The following GNAQ variants were observed in gnomAD, a reference collection of about 807,000 sequenced individuals.
The protein encoded by GNAQ is G protein subunit alpha q.
GNAQ carries 8 observed loss-of-function variants against 43.9 expected under a neutral mutation model. The ratio of observed to expected loss-of-function variants is 0.18; its 90% confidence interval spans 0.11 to 0.33. GNAQ has a LOEUF of 0.33. Ranked by LOEUF, GNAQ falls within the 10% of genes least tolerant of loss-of-function variation. The pLI, the probability that GNAQ is intolerant of heterozygous loss-of-function variation, is 1.00. For missense variants in GNAQ, 158 were observed against 450.8 expected (o/e 0.35, Z 5.88); for synonymous variants, 155 against 170.7 (o/e 0.91, Z 0.71).
At chr9:77,891,412 G>A (rs934151926) in intron 2 of GNAQ, among the ~76,000 whole-genome samples, 2 of 152,132 alleles carry the variant, frequency 1.3e-5, no homozygotes, top group Admixed American at 6.6e-5. Flanking sequence ...GTAGGAGATC[G>A]GGAAATGGTT....
intron 2 of GNAQ, among the ~76,000 whole-genome samples, chr9:77,905,986 G>C (rs558560292): frequency 6.6e-6 from 1 of 152,006 alleles, no homozygotes; most frequent in Non-Finnish European, 1.5e-5. Flanking sequence ...TGCACATGGG[G>C]CTTAAAACCT....
intron 5 of GNAQ, among the ~76,000 whole-genome samples, chr9:77,742,292 T>C (rs1176612017): frequency 2.6e-5 from 4 of 152,198 alleles, no homozygotes; most frequent in Non-Finnish European, 5.9e-5. Context: ...CAGCATTCCA[T>C]ATAATGCACA....
At chr9:77,932,371 C>T (rs1274417588) in intron 1 of GNAQ, among the ~76,000 whole-genome samples, 7 of 152,102 alleles carry the variant, frequency 4.6e-5, no homozygotes, top group African/African-American at 1.7e-4. Flanking sequence ...CAAGTGTGAG[C>T]AGATGATTTA....
chr9:77,832,912 A>C (rs1458974003), intron 2 of GNAQ, among the ~76,000 whole-genome samples: 1 of 152,156 alleles, frequency 6.6e-6, no homozygotes, highest in Non-Finnish European at 1.5e-5. Context: ...ATTTCACAGG[A>C]AGACACTGCT....
chr9:77,793,113 G>A (rs1205885678), intron 5 of GNAQ, among the ~76,000 whole-genome samples: 1 of 152,068 alleles, frequency 6.6e-6, no homozygotes, highest in Non-Finnish European at 1.5e-5. Flanking sequence ...TACATCCAGG[G>A]ATTATGTAAC....
intron 2 of GNAQ, among the ~76,000 whole-genome samples, chr9:77,909,859 C>T (rs540127924): frequency 1.3e-5 from 2 of 151,968 alleles, no homozygotes; most frequent in African/African-American, 4.8e-5. Flanking sequence ...TAATGAAGAG[C>T]TTATTTTTTT....
At chr9:77,973,218 C>T (rs2118466741) in intron 1 of GNAQ, among the ~76,000 whole-genome samples, 1 of 152,240 alleles carries the variant, frequency 6.6e-6, no homozygotes, top group African/African-American at 2.4e-5. Flanking sequence ...AAATGAACTA[C>T]TCCTAAACAG....
intron 1 of GNAQ, among the ~76,000 whole-genome samples, chr9:77,922,936 C>T (rs185843930): frequency 6.6e-6 from 1 of 152,166 alleles, no homozygotes; most frequent in Admixed American, 6.5e-5. Flanking sequence ...ATAAAGAAAT[C>T]CCATCTGAGT....
intron 3 of GNAQ, among the ~76,000 whole-genome samples, chr9:77,800,581 G>A (rs1274878586): frequency 6.6e-6 from 1 of 152,172 alleles, no homozygotes; most frequent in Non-Finnish European, 1.5e-5. Flanking sequence ...TGTGGGGGGA[G>A]GGATAGCATT....
intron 3 of GNAQ, among the ~76,000 whole-genome samples, chr9:77,813,499 T>C (rs1317478894): frequency 6.6e-6 from 1 of 152,124 alleles, no homozygotes; most frequent in Non-Finnish European, 1.5e-5. Context: ...TATGGCAGCA[T>C]CCAATCCTCA....
intron 2 of GNAQ, among the ~76,000 whole-genome samples, chr9:77,887,404 C>T (rs901363499): frequency 6.6e-6 from 1 of 152,230 alleles, no homozygotes; most frequent in African/African-American, 2.4e-5. Context: ...CTTTTACCTT[C>T]ATTTATCAAA....
chr9:77,840,079 G>A (rs1454387856), intron 2 of GNAQ, among the ~76,000 whole-genome samples: 2 of 152,134 alleles, frequency 1.3e-5, no homozygotes, highest in Non-Finnish European at 2.9e-5. Flanking sequence ...CTCTGCAAAT[G>A]CTCCAAAGTA....
At chr9:77,764,562 TCTC>T (rs1440815201) in intron 5 of GNAQ, among the ~76,000 whole-genome samples, 2 of 151,966 alleles carry the variant, frequency 1.3e-5, no homozygotes, top group East Asian at 3.9e-4. Context: ...TTCACGCTAT[TCTC>T]CTGCCTCAGC....
At chr9:77,763,941 T>G (rs890611587) in intron 5 of GNAQ, among the ~76,000 whole-genome samples, 6 of 152,246 alleles carry the variant, frequency 3.9e-5, no homozygotes, top group African/African-American at 1.4e-4. Context: ...TAGTTGTGTT[T>G]TGTTAGTTGT....
chr9:77,900,677 G>A (rs1828592860), intron 2 of GNAQ, among the ~76,000 whole-genome samples: 1 of 152,092 alleles, frequency 6.6e-6, no homozygotes, highest in African/African-American at 2.4e-5. Flanking sequence ...ACAGGTGTGT[G>A]CTACCACACC....
intron 2 of GNAQ, among the ~76,000 whole-genome samples, chr9:77,879,601 TACAAAGGC>T (rs1294024113): frequency 6.6e-6 from 1 of 152,266 alleles, no homozygotes; most frequent in African/African-American, 2.4e-5. Context: ...CCAGACTTAC[TACAAAGGC>T]ATATCTTCTA....
chr9:77,873,495 ACAATG>A (rs1828075866), intron 2 of GNAQ, among the ~76,000 whole-genome samples: 1 of 152,232 alleles, frequency 6.6e-6, no homozygotes, highest in African/African-American at 2.4e-5. Flanking sequence ...CTTACTGTAA[ACAATG>A]TATTTAGGCA....
At chr9:77,909,299 A>G (rs940516111) in intron 2 of GNAQ, among the ~76,000 whole-genome samples, 5 of 152,234 alleles carry the variant, frequency 3.3e-5, no homozygotes, top group African/African-American at 1.2e-4. Flanking sequence ...AAACAGCTAC[A>G]TGATCTCATC....
At chr9:77,782,719 A>G (rs559772128) in intron 5 of GNAQ, among the ~76,000 whole-genome samples, 13 of 152,356 alleles carry the variant, frequency 8.5e-5, no homozygotes, top group African/African-American at 3.1e-4. Flanking sequence ...TTCATTCATA[A>G]AACTGCCAAA....
Sources: allele counts gnomAD v4.1 joint callset (sites outside exome capture counted in the v4.1 genomes callset), GRCh38; gene constraint gnomAD v4.1.1; transcripts MANE v1.5; gene names NCBI Gene and HGNC (gene_info 2026-07-23, HGNC 2026-07-21).